The following TRPM3 variants were observed in gnomAD, a reference collection of about 807,000 sequenced individuals.
The protein encoded by TRPM3 is transient receptor potential cation channel subfamily M member 3.
In TRPM3, 77 loss-of-function variants were observed where a neutral mutation model predicts 181.2. The observed-to-expected ratio is 0.42, with a 90% CI of 0.35 to 0.51. The LOEUF (loss-of-function observed/expected upper bound fraction) is 0.51. TRPM3 is among the 20% of genes least tolerant of loss of function. The pLI is 0.01. For missense variants in TRPM3, 1,759 were observed against 2,196.7 expected (o/e 0.80, Z 3.98); for synonymous variants, 745 against 796.4 (o/e 0.94, Z 1.09).
rs757556760 is a variant in TRPM3 at position 70,536,816 on chromosome 9, C to T, written c.4297G>A (p.Val1433Met). Residue 1433 changes from valine to methionine, a missense_variant, in exon 26 of 26, where the codon GTG becomes ATG. Transcript: ENST00000677713. ...HCDIDPLDNS[V>M]NILGLGEPSF... is the part of the protein sequence containing the mutation. The stretch of plus-strand genomic sequence containing the variant: ...GGCTCGCCCAGCCCAAGGATGTTCA[C>T]GGAATTGTCCAGAGGGTCTATATCA... 18 of 1,614,144 alleles carry T rather than the reference C, an allele frequency of 1.1e-5. No homozygotes were observed. The highest frequency in any genetic ancestry group is 4.0e-5 in the African/African-American group (3 of 75,020).
intron 1 of TRPM3, among the ~76,000 whole-genome samples, chr9:71,289,738 C>T (rs1256608875): frequency 6.6e-6 from 1 of 151,588 alleles, no homozygotes; most frequent in Admixed American, 6.6e-5. Flanking sequence ...CCTGGTGGCT[C>T]ATGCTTGTAA....
intron 1 of TRPM3, among the ~76,000 whole-genome samples, chr9:70,911,755 T>C (rs1014401882): frequency 2.0e-5 from 3 of 152,184 alleles, no homozygotes; most frequent in Non-Finnish European, 2.9e-5. Context: ...CAAATCTGTT[T>C]TCTCCTGTTT....
chr9:70,977,582 C>G (rs907690996), intron 1 of TRPM3, among the ~76,000 whole-genome samples: 1 of 152,196 alleles, frequency 6.6e-6, no homozygotes, highest in Non-Finnish European at 1.5e-5. Context: ...AGCACAGACC[C>G]CACACATTAA....
chr9:70,828,945 G>GT (rs1420503019), intron 5 of TRPM3, among the ~76,000 whole-genome samples: 5 of 151,992 alleles, frequency 3.3e-5, no homozygotes, highest in African/African-American at 1.2e-4. Flanking sequence ...TTCCCATACT[G>GT]CTTAGACCCA....
intron 1 of TRPM3, among the ~76,000 whole-genome samples, chr9:71,155,475 T>C (rs1301810199): frequency 6.9e-6 from 1 of 144,942 alleles, no homozygotes; most frequent in Non-Finnish European, 1.5e-5. Flanking sequence ...TGCACCACCA[T>C]GCTTATTTTT....
At chr9:70,741,404 A>T (rs76077291) in intron 8 of TRPM3, among the ~76,000 whole-genome samples, 6 of 152,152 alleles carry the variant, frequency 3.9e-5, no homozygotes, top group African/African-American at 1.4e-4. Context: ...ACTATGAAAA[A>T]CACTGTGGAT....
At chr9:71,191,404 G>C (rs2078011375) in intron 1 of TRPM3, among the ~76,000 whole-genome samples, 1 of 151,772 alleles carries the variant, frequency 6.6e-6, no homozygotes, top group Non-Finnish European at 1.5e-5. Context: ...GCTTTCCACA[G>C]CTAACCTCTC....
chr9:71,398,850 C>T (rs932302647), intron 1 of TRPM3, among the ~76,000 whole-genome samples: 15 of 151,548 alleles, frequency 9.9e-5, no homozygotes, highest in African/African-American at 2.7e-4. Flanking sequence ...AACAGGCAAT[C>T]GATAAGTAAC....
At chr9:71,194,590 G>C (rs1252440686) in intron 1 of TRPM3, among the ~76,000 whole-genome samples, 1 of 151,836 alleles carries the variant, frequency 6.6e-6, no homozygotes, top group African/African-American at 2.4e-5. Flanking sequence ...CTGTTTGTAG[G>C]AGAGCCGCCC....
chr9:71,344,090 A>C (rs181203708), intron 1 of TRPM3, among the ~76,000 whole-genome samples: 1 of 152,152 alleles, frequency 6.6e-6, no homozygotes, highest in African/African-American at 2.4e-5. Context: ...TCTTCATTAC[A>C]TAAGATGATA....
intron 1 of TRPM3, among the ~76,000 whole-genome samples, chr9:70,868,833 C>G (rs372658476): frequency 1.5e-3 from 225 of 152,174 alleles, no homozygotes; most frequent in African/African-American, 5.0e-3. Context: ...TTCATCAGAA[C>G]AAACATCCCC....
intron 1 of TRPM3, among the ~76,000 whole-genome samples, chr9:70,879,895 T>G (rs2095952456): frequency 6.6e-6 from 1 of 152,174 alleles, no homozygotes; most frequent in South Asian, 2.1e-4. Context: ...GCTGCACCTG[T>G]GTGTGCACAC....
chr9:70,671,441 G>GA (rs2062903648), intron 9 of TRPM3, among the ~76,000 whole-genome samples: 1 of 151,706 alleles, frequency 6.6e-6, no homozygotes, highest in African/African-American at 2.4e-5. Context: ...TTTGGTCTTG[G>GA]AAAAAAAGTG....
chr9:71,016,260 A>G (rs74560223), intron 1 of TRPM3, among the ~76,000 whole-genome samples: 3 of 72,170 alleles, frequency 4.2e-5, no homozygotes, highest in Non-Finnish European at 8.0e-5. Context: ...GTGTGTGTGT[A>G]TCTGTGTGTG....
At chr9:71,346,893 GGCA>G (rs35873061) in intron 1 of TRPM3, among the ~76,000 whole-genome samples, 150,017 of 152,172 alleles carry the variant, frequency 0.99, 73,984 homozygotes, top group East Asian at 1. Flanking sequence ...TTATTTTCTG[GGCA>G]GCACGGATAG....
intron 22 of TRPM3, among the ~76,000 whole-genome samples, chr9:70,583,684 C>A (rs1397685761): frequency 6.6e-6 from 1 of 152,200 alleles, no homozygotes; most frequent in Non-Finnish European, 1.5e-5. Flanking sequence ...ATGGAGAATC[C>A]TCTAGCCATT....
intron 1 of TRPM3, among the ~76,000 whole-genome samples, chr9:71,136,111 G>A (rs1364269424): frequency 2.6e-5 from 4 of 152,128 alleles, no homozygotes; most frequent in South Asian, 2.1e-4. Flanking sequence ...TTAATACATC[G>A]TCCACGTAAG....
At chr9:71,168,645 T>C (rs113306167) in intron 1 of TRPM3, among the ~76,000 whole-genome samples, 26,518 of 142,622 alleles carry the variant, frequency 0.19, 2,915 homozygotes, top group Non-Finnish European at 0.21. Flanking sequence ...TTTTTTATTT[T>C]TTTTTTTATT....
chr9:70,868,134 G>C (rs148448197), intron 1 of TRPM3, among the ~76,000 whole-genome samples: 9 of 152,026 alleles, frequency 5.9e-5, no homozygotes, highest in African/African-American at 2.2e-4. Flanking sequence ...GGCTTCTATG[G>C]CCCCCAGAAA....
Sources: gnomAD v4.1 joint callset for allele counts (sites outside exome capture counted in the v4.1 genomes callset) on GRCh38, gnomAD v4.1.1 for gene constraint, MANE v1.5 for transcripts, NCBI Gene and HGNC (gene_info 2026-07-23, HGNC 2026-07-21) for gene names.